The following EXOC6B variants were observed in gnomAD, a reference collection of about 807,000 sequenced individuals.
EXOC6B encodes the protein exocyst complex component 6B.
EXOC6B carries 54 observed loss-of-function variants against 113.5 expected under a neutral mutation model. The observed-to-expected ratio is 0.48, with a 90% CI of 0.38 to 0.60. The LOEUF is 0.60. EXOC6B is among the 20% of genes least tolerant of loss of function. The pLI, the probability that EXOC6B is intolerant of heterozygous loss-of-function variation, is 0.00. For synonymous variants in EXOC6B, 357 were observed against 339.0 expected (o/e 1.05, Z -0.58); for missense variants, 797 against 977.5 (o/e 0.82, Z 2.46).
At chr2:72,331,497 T>C (rs1320336742) in intron 20 of EXOC6B, among the ~76,000 whole-genome samples, 1 of 152,126 alleles carries the variant, frequency 6.6e-6, no homozygotes, top group Non-Finnish European at 1.5e-5. Flanking sequence ...ACATGCCACT[T>C]CAAGATAGCT....
At chr2:72,280,685 G>T (rs181831205) in intron 20 of EXOC6B, among the ~76,000 whole-genome samples, 25 of 152,100 alleles carry the variant, frequency 1.6e-4, no homozygotes, top group Non-Finnish European at 2.8e-4. Flanking sequence ...AAATAAAAAG[G>T]CTGCTTGGAA....
At chr2:72,184,223 C>A in intron 20 of EXOC6B, 36 bp from the exon 21 acceptor site, 1 of 1,169,808 alleles carries the variant, frequency 8.5e-7, no homozygotes, top group South Asian at 1.3e-5. Context: ...AGGGATTAGT[C>A]AGACAGACAA....
At chr2:72,490,430 T>C (rs1699675554) in intron 16 of EXOC6B, among the ~76,000 whole-genome samples, 1 of 152,120 alleles carries the variant, frequency 6.6e-6, no homozygotes, top group Non-Finnish European at 1.5e-5. Context: ...TTACCTATTA[T>C]GATGATGATT....
At chr2:72,652,141 G>T (rs926348330) in intron 6 of EXOC6B, among the ~76,000 whole-genome samples, 3 of 149,792 alleles carry the variant, frequency 2.0e-5, no homozygotes, top group African/African-American at 7.4e-5. Context: ...AAAGAATTAC[G>T]ACATATAATG....
chr2:72,607,069 C>T (rs1670799505), intron 6 of EXOC6B, among the ~76,000 whole-genome samples: 1 of 152,060 alleles, frequency 6.6e-6, no homozygotes, highest in Non-Finnish European at 1.5e-5. Context: ...TTGCCATTCT[C>T]AGAACAGTAT....
chr2:72,814,184 T>C (rs1053915690), intron 1 of EXOC6B, among the ~76,000 whole-genome samples: 2 of 152,206 alleles, frequency 1.3e-5, no homozygotes, highest in Admixed American at 6.5e-5. Flanking sequence ...AAAAACTATA[T>C]AATGAAAGAG....
intron 20 of EXOC6B, among the ~76,000 whole-genome samples, chr2:72,293,670 A>G (rs1449386217): frequency 6.6e-6 from 1 of 152,168 alleles, no homozygotes; most frequent in Non-Finnish European, 1.5e-5. Context: ...AACACATGCT[A>G]TGGTGTGACT....
At chr2:72,588,751 T>C (rs955985447) in intron 6 of EXOC6B, among the ~76,000 whole-genome samples, 1 of 152,060 alleles carries the variant, frequency 6.6e-6, no homozygotes, top group African/African-American at 2.4e-5. Context: ...CTCCAGATTA[T>C]AATTAAATAT....
chr2:72,399,157 A>G (rs1477746810), intron 18 of EXOC6B, among the ~76,000 whole-genome samples: 2 of 152,238 alleles, frequency 1.3e-5, no homozygotes, highest in East Asian at 1.9e-4. Context: ...AATTCAATAT[A>G]TGCAAATCAG....
At chr2:72,321,313 A>T (rs6546762) in intron 20 of EXOC6B, among the ~76,000 whole-genome samples, 32,274 of 151,956 alleles carry the variant, frequency 0.21, 6,537 homozygotes, top group African/African-American at 0.54. Context: ...GGCAGGTAGA[A>T]CACCTGAGGT....
intron 18 of EXOC6B, among the ~76,000 whole-genome samples, chr2:72,449,862 T>G (rs1696809864): frequency 6.6e-6 from 1 of 152,200 alleles, no homozygotes; most frequent in Non-Finnish European, 1.5e-5. Flanking sequence ...GTCCGACACA[T>G]GGATTGCCTT....
At chr2:72,263,015 A>G (rs1281443305) in intron 20 of EXOC6B, among the ~76,000 whole-genome samples, 2 of 152,184 alleles carry the variant, frequency 1.3e-5, no homozygotes, top group African/African-American at 2.4e-5. Flanking sequence ...GCAAGATCCA[A>G]AGTTGGGGGG....
intron 20 of EXOC6B, among the ~76,000 whole-genome samples, chr2:72,304,861 T>G (rs574599191): frequency 6.6e-6 from 1 of 152,250 alleles, no homozygotes; most frequent in South Asian, 2.1e-4. Context: ...TCAGTAAGAT[T>G]GGGGCTAGGT....
intron 15 of EXOC6B, among the ~76,000 whole-genome samples, chr2:72,493,334 C>T (rs1199805346): frequency 2.4e-5 from 3 of 124,376 alleles, no homozygotes; most frequent in Non-Finnish European, 4.7e-5. Flanking sequence ...CCCCCCCCCC[C>T]GCATTTTTAC....
At chr2:72,247,747 T>C (rs1682757043) in intron 20 of EXOC6B, among the ~76,000 whole-genome samples, 1 of 152,224 alleles carries the variant, frequency 6.6e-6, no homozygotes, top group Admixed American at 6.5e-5. Flanking sequence ...ATATGATGAT[T>C]GGTCCACAGA....
chr2:72,670,744 C>T (rs962415211), intron 6 of EXOC6B, among the ~76,000 whole-genome samples: 4 of 152,198 alleles, frequency 2.6e-5, no homozygotes, highest in African/African-American at 9.7e-5. Flanking sequence ...CCTTCTGGCT[C>T]TTCTGCTTCT....
intron 1 of EXOC6B, among the ~76,000 whole-genome samples, chr2:72,760,973 A>G (rs1286179957): frequency 6.6e-6 from 1 of 152,188 alleles, no homozygotes; most frequent in Non-Finnish European, 1.5e-5. Context: ...TGAGGTCAGG[A>G]CTTCAGGACC....
intron 8 of EXOC6B, among the ~76,000 whole-genome samples, chr2:72,553,189 C>T (rs1703336819): frequency 6.6e-6 from 1 of 152,008 alleles, no homozygotes; most frequent in Admixed American, 6.6e-5. Flanking sequence ...TCCTCAATAT[C>T]AGCAATAACT....
chr2:72,773,064 A>G (rs1683491668), intron 1 of EXOC6B, among the ~76,000 whole-genome samples: 1 of 151,850 alleles, frequency 6.6e-6, no homozygotes, highest in Admixed American at 6.6e-5. Flanking sequence ...ACTATAGTTA[A>G]TAACATTATT....
Sources: gnomAD v4.1 joint callset for allele counts (sites outside exome capture counted in the v4.1 genomes callset) on GRCh38, gnomAD v4.1.1 for gene constraint, MANE v1.5 for transcripts, NCBI Gene and HGNC (gene_info 2026-07-23, HGNC 2026-07-21) for gene names.